The following SORL1 variants were observed in gnomAD, a reference collection of about 807,000 sequenced individuals.
The protein encoded by SORL1 is sortilin related receptor 1, also known as sortilin-related receptor.
SORL1 carries 127 observed loss-of-function variants against 273.7 expected under a neutral mutation model. The observed-to-expected ratio is 0.46, with a 90% CI of 0.40 to 0.54. SORL1 has a LOEUF of 0.54. SORL1 is among the 20% of genes least tolerant of loss of function. The pLI is 0.00. For synonymous variants in SORL1, 1,031 were observed against 1,067.4 expected, an observed-to-expected ratio of 0.97 and a Z score of 0.66; for missense variants, 2,494 against 2,846.1, an observed-to-expected ratio of 0.88 and a Z score of 2.81.
At chr11:121,548,145 A>G (rs536969025) in intron 14 of SORL1, among the ~76,000 whole-genome samples, 2 of 152,328 alleles carry the variant, frequency 1.3e-5, no homozygotes, top group East Asian at 3.9e-4. Context: ...TATAATTAAA[A>G]CACAAGTTTT....
Position 121,621,188 on chromosome 11 carries a change from T to C in SORL1, c.6014T>C (p.Ile2005Thr). ...GAGCCTGGCGGGAAATACCACATCATTGTCCAACTGGGGAACATGAGCAAA... is the reference window on the plus strand; with the variant it reads ...GAGCCTGGCGGGAAATACCACATCACTGTCCAACTGGGGAACATGAGCAAA... Reference protein sequence around the residue: ...KLEPGGKYHIIVQLGNMSKDS... With the variant: ...KLEPGGKYHITVQLGNMSKDS... The change falls in exon 44 of 48, where the codon ATT (isoleucine) becomes ACT (threonine). Residue 2005 changes from isoleucine to threonine, a missense_variant. By Grantham distance (89) the Ile-to-Thr change is moderately conservative (BLOSUM62 -1). This residue lies in a region of SORL1 where 1,609 missense variants were observed against 1,816.4 expected (regional missense o/e 0.89). Transcript: ENST00000260197. The C allele has an allele frequency of 1.2e-6, 2 of 1,614,172 alleles. No individual in the cohort carries two copies. Among genetic ancestry groups the C allele is most frequent in the Non-Finnish European group, 1.7e-6 (2 of 1,180,010 alleles).
At chr11:121,624,157 A>G (rs1255216735) in intron 45 of SORL1, among the ~76,000 whole-genome samples, 1 of 152,194 alleles carries the variant, frequency 6.6e-6, no homozygotes, top group Non-Finnish European at 1.5e-5. Context: ...GCACAGGAGA[A>G]TTATAGGAGC....
chr11:121,548,790 C>T (rs1477899042), intron 14 of SORL1, among the ~76,000 whole-genome samples: 3 of 151,942 alleles, frequency 2.0e-5, no homozygotes, highest in African/African-American at 7.3e-5. Flanking sequence ...TGGTCTAGAA[C>T]TCCTGACCTC....
At chr11:121,558,516 CT>C in intron 19 of SORL1, 74 bp from the exon 20 acceptor site, 3 of 1,537,372 alleles carry the variant, frequency 2.0e-6, no homozygotes, top group Non-Finnish European at 2.7e-6. Flanking sequence ...AGTTTCTGAC[CT>C]TTTCTGGAGT....
chr11:121,547,860 G>A (rs1291557977), intron 14 of SORL1, among the ~76,000 whole-genome samples: 1 of 152,176 alleles, frequency 6.6e-6, no homozygotes, highest in African/African-American at 2.4e-5. Flanking sequence ...AGATGAGAAT[G>A]AGCAAGCTTA....
intron 29 of SORL1, 37 bp from the exon 30 acceptor site, chr11:121,590,003 C>T (rs1195951066): frequency 2.5e-6 from 4 of 1,608,378 alleles, no homozygotes; most frequent in East Asian, 2.2e-5. Flanking sequence ...CACACTGATG[C>T]AGGGAAAGCA....
chr11:121,590,629 G>A (rs748440633), intron 30 of SORL1: 22 of 600,592 alleles, frequency 3.7e-5, no homozygotes, highest in Non-Finnish European at 5.6e-5. Flanking sequence ...GAACCAGGTC[G>A]TGGAGTAGTT....
chr11:121,589,268 C>A lies in SORL1; in HGVS notation c.3956C>A (p.Pro1319His). ...TTTGTTCCCTCTGTAGCCCAAGATC[C>A]TGAGTTCCACAAGGTATGTGATGAG... ...DAAFAGCSQD[P>H]EFHKVCDEFG... The change falls in exon 29 of 48, where the codon CCT (proline) becomes CAT (histidine). Residue 1319 changes from proline to histidine, a missense_variant. Pro to His is a moderately conservative substitution (Grantham distance 77). Coordinates refer to ENST00000260197, the MANE Select transcript of SORL1 (RefSeq NM_003105.6). 1 of 1,613,170 alleles carries A rather than the reference C, an allele frequency of 6.2e-7. No homozygotes were observed. Among genetic ancestry groups the A allele is most frequent in the South Asian group, 1.1e-5 (1 of 91,062 alleles).
chr11:121,629,734 G>C lies in SORL1; in HGVS notation c.*171G>C. 3.4e-6 allele frequency: 2 copies of C among 586,414 alleles called. No individual in the cohort carries two copies. Among genetic ancestry groups the C allele is most frequent in the Non-Finnish European group, 6.0e-6 (2 of 332,786 alleles). 36.3% of individuals were successfully genotyped at this position (586,414 alleles called of 1,614,324 possible). Reference sequence around the variant, plus strand: ...AAGAAAGGAATGAATAAACTTTGTAGTAATCAACTGTGAACTTCAAACCAG... The same window carrying C: ...AAGAAAGGAATGAATAAACTTTGTACTAATCAACTGTGAACTTCAAACCAG... On this transcript the variant is annotated 3_prime_UTR_variant, in exon 48 of 48. Coordinates refer to ENST00000260197, the MANE Select transcript of SORL1 (RefSeq NM_003105.6).
At chr11:121,589,208 C>T in intron 28 of SORL1, 51 bp from the exon 29 acceptor site, 1 of 1,605,334 alleles carries the variant, frequency 6.2e-7, no homozygotes, top group Non-Finnish European at 8.5e-7. Flanking sequence ...GCTGCTTCGA[C>T]CCCTCAGCAT....
intron 21 of SORL1, among the ~76,000 whole-genome samples, chr11:121,561,000 G>A (rs980827225): frequency 6.6e-6 from 1 of 152,236 alleles, no homozygotes; most frequent in Non-Finnish European, 1.5e-5. Context: ...TTGCTTCTCA[G>A]CTCCAGTGAC....
intron 11 of SORL1, among the ~76,000 whole-genome samples, chr11:121,527,261 T>C (rs1427220866): frequency 6.6e-6 from 1 of 152,014 alleles, no homozygotes; most frequent in African/African-American, 2.4e-5. Context: ...TTTATTAAAA[T>C]GATTTTTTTC....
rs1235593281 is a variant in SORL1 at position 121,596,689 on chromosome 11, T to C, written c.4519+917T>C. On this transcript the variant is annotated intron_variant, in intron 32 of 47. Transcript: ENST00000260197. This position sits in a 1 kb window ranked among gnomAD's most constrained non-coding sequence, Gnocchi z 4.3. The stretch of plus-strand genomic sequence containing the variant: ...CTTCCTTGCCAGGATAAGGGCTTCG[T>C]CCGTGCTTGCCTGATTCCTGTCCTG... 6.6e-6 allele frequency among the ~76,000 whole-genome samples: 1 copy of C among 152,190 alleles called. No individual in the cohort carries two copies. Among genetic ancestry groups the C allele is most frequent in the East Asian group, 1.9e-4 (1 of 5,190 alleles).
rs752576854 is a variant in SORL1 at position 121,589,417 on chromosome 11, A to G, written c.4078+27A>G. 4.3e-6 allele frequency: 7 copies of G among 1,610,960 alleles called. No individual in the cohort carries two copies. In the African/African-American group the frequency reaches 6.7e-5, roughly 15 times the overall value. The stretch of plus-strand genomic sequence containing the variant: ...TAAGATGTCCAGTCTGCCTCCTCAC[A>G]TCCTAATCCTCTAGTTAACAGTGAT... On this transcript the variant is annotated intron_variant, in intron 29 of 47. Transcript: ENST00000260197.
At chr11:121,592,695 C>G (rs1287031227) in intron 31 of SORL1, among the ~76,000 whole-genome samples, 1 of 152,194 alleles carries the variant, frequency 6.6e-6, no homozygotes, top group African/African-American at 2.4e-5. Context: ...CTCTGTGTCT[C>G]CTACAATAAT....
chr11:121,604,029 A>T (rs1243405838), intron 32 of SORL1, among the ~76,000 whole-genome samples, 164 bp from the exon 33 acceptor site: 1 of 152,240 alleles, frequency 6.6e-6, no homozygotes, highest in African/African-American at 2.4e-5. Context: ...GTTAGATGAG[A>T]TGGCACCTTA....
chr11:121,575,890 T>C (rs1620130), intron 24 of SORL1, among the ~76,000 whole-genome samples: 145,734 of 152,284 alleles, frequency 0.96, 69,858 homozygotes, highest in Non-Finnish European at 0.98. Context: ...TTCAGCCCCC[T>C]GATCCTCTGT....
chr11:121,537,532 A>G (rs1471481427), intron 12 of SORL1, among the ~76,000 whole-genome samples: 2 of 152,184 alleles, frequency 1.3e-5, no homozygotes, highest in Admixed American at 1.3e-4. Flanking sequence ...GACAGGTTGA[A>G]TTGAAGCCTC....
At position 121,566,920 on chromosome 11, in the gene SORL1, G is replaced by C; in HGVS notation, c.3050-20G>C. The C allele has an allele frequency of 6.2e-7, 1 of 1,608,600 alleles. No homozygotes were observed. The highest frequency in any genetic ancestry group is 8.5e-7 in the Non-Finnish European group (1 of 1,177,554). ...CATGGTGTGTATTAACCTACCTGCT[G>C]CTGTTTGTCTTCCCTCCAGGAAGCA... On this transcript the variant is annotated intron_variant, in intron 21 of 47. Transcript: ENST00000260197.
Sources: allele counts gnomAD v4.1 joint callset (sites outside exome capture counted in the v4.1 genomes callset), GRCh38; gene constraint gnomAD v4.1.1; regional missense constraint gnomAD v4.1.1; non-coding constraint Gnocchi (gnomAD v3.1); transcripts MANE v1.5; gene names NCBI Gene and HGNC (gene_info 2026-07-23, HGNC 2026-07-21).